The following MGST2 variants were observed in gnomAD, a reference collection of about 807,000 sequenced individuals.
The protein encoded by MGST2 is microsomal glutathione S-transferase 2.
A neutral mutation model predicts 16.6 loss-of-function variants in MGST2; 9 were observed. That is an observed-to-expected ratio of 0.54 (90% CI 0.33 to 0.95). The LOEUF (loss-of-function observed/expected upper bound fraction) is 0.95. Among genes scored for constraint, MGST2 ranks in the 40% least tolerant of loss-of-function variants. The pLI, the probability that MGST2 is intolerant of heterozygous loss-of-function variation, is 0.03. For synonymous variants in MGST2, 79 were observed against 68.0 expected (o/e 1.16, Z -0.79); for missense variants, 159 against 175.1 (o/e 0.91, Z 0.52).
chr4:139,690,001 AT>A (rs531793285), intron 2 of MGST2, among the ~76,000 whole-genome samples: 2 of 151,878 alleles, frequency 1.3e-5, no homozygotes, highest in South Asian at 4.2e-4. Flanking sequence ...ATTAAAAAAA[AT>A]TTTTTTTGAG....
rs905341796 is a variant in MGST2, at chr4:139,698,681, C to T, written c.229+3414C>T. The T allele has an allele frequency of 2.7e-5, 18 of 673,194 alleles. No homozygotes were observed. In the Admixed American group the frequency reaches 3.9e-4, roughly 14 times the overall value. The allele number at this position is 673,194 out of a possible 1,614,324, so 41.7% of individuals were successfully genotyped here. On this transcript the variant is annotated intron_variant, in intron 3 of 4. Coordinates refer to ENST00000265498, the MANE Select transcript of MGST2 (RefSeq NM_002413.5). ...CAATCCTGCTCCCACATAAAAGCTG[C>T]ATTTCAATATGAGATAAAAAGACAT...
At chr4:139,669,749 T>A (rs569883354) in intron 1 of MGST2, among the ~76,000 whole-genome samples, 1 of 152,356 alleles carries the variant, frequency 6.6e-6, no homozygotes, top group East Asian at 1.9e-4. Flanking sequence ...AGAAAGGCTG[T>A]GACAATTTAT....
the MGST2 span, among the ~76,000 whole-genome samples, chr4:139,750,914 T>C: frequency 6.6e-6 from 1 of 152,220 alleles, no homozygotes; most frequent in South Asian, 2.1e-4. Flanking sequence ...TAGGCCTCAG[T>C]TGAAAATAAG....
intron 5 of MGST2, among the ~76,000 whole-genome samples, chr4:139,728,058 T>C (rs1728549068): frequency 6.6e-6 from 1 of 151,958 alleles, no homozygotes. Flanking sequence ...TCTACTAAAA[T>C]ACAAAAATTA....
Position 139,727,918 on chromosome 4 carries a change from C to T in MGST2, c.*49-12294C>T, listed in dbSNP as rs1486458888. ...GATCTGGCAGTATTCACTCTCAAAA[C>T]GAAAAACTGAGAGCTGGCCGGGTGC... On this transcript the variant is annotated intron_variant, in intron 5 of 5. Transcript: ENST00000616265. Among the ~76,000 whole-genome samples, 5 of 151,516 alleles carry T rather than the reference C, an allele frequency of 3.3e-5. No individual in the cohort carries two copies. The East Asian group carries it at 5.8e-4, about 18-fold the overall frequency.
At chr4:139,674,262 C>T (rs1050639576) in intron 1 of MGST2, among the ~76,000 whole-genome samples, 5 of 152,208 alleles carry the variant, frequency 3.3e-5, no homozygotes, top group African/African-American at 7.2e-5. Flanking sequence ...TGGTTCAGTC[C>T]GGAAAGGCGA....
At chr4:139,719,612 G>A (rs763013687) in intron 5 of MGST2, 40 of 1,612,572 alleles carry the variant, frequency 2.5e-5, no homozygotes, top group East Asian at 1.6e-4. Context: ...CATTGGCCTC[G>A]CCTGGCTGGT....
intron 1 of MGST2, among the ~76,000 whole-genome samples, chr4:139,670,557 A>C (rs1165688479): frequency 6.6e-6 from 1 of 152,194 alleles, no homozygotes; most frequent in Non-Finnish European, 1.5e-5. Context: ...TCAGATTTGC[A>C]GTTGTTAAAG....
intron 3 of MGST2, chr4:139,698,481 G>A (rs1727055982): frequency 8.4e-7 from 1 of 1,190,916 alleles, no homozygotes; most frequent in Non-Finnish European, 1.3e-6. Context: ...CTTGCGAGCG[G>A]CTTTTGTAGC....
At chr4:139,729,228 G>GA (rs1728603425) in intron 5 of MGST2, among the ~76,000 whole-genome samples, 1 of 150,944 alleles carries the variant, frequency 6.6e-6, no homozygotes, top group African/African-American at 2.4e-5. Flanking sequence ...CTCTTTGGGG[G>GA]ATGCCTGGTG....
At chr4:139,684,289 T>C (rs1429833133) in intron 2 of MGST2, among the ~76,000 whole-genome samples, 1 of 152,150 alleles carries the variant, frequency 6.6e-6, no homozygotes, top group Non-Finnish European at 1.5e-5. Context: ...AAGACTTGCC[T>C]CCATGATTCA....
chr4:139,666,644 ATC>A (rs1160095115), intron 1 of MGST2, among the ~76,000 whole-genome samples: 1 of 152,218 alleles, frequency 6.6e-6, no homozygotes, highest in East Asian at 1.9e-4. Flanking sequence ...ATTATTCAAT[ATC>A]TCGACTGCCT....
At chr4:139,670,260 G>GA (rs1365020573) in intron 1 of MGST2, among the ~76,000 whole-genome samples, 3 of 130,760 alleles carry the variant, frequency 2.3e-5, no homozygotes, top group Admixed American at 8.1e-5. Context: ...GTGGGGGGCG[G>GA]GGGGGGGGCG....
chr4:139,748,223 G>A, the MGST2 span, among the ~76,000 whole-genome samples: 5 of 152,248 alleles, frequency 3.3e-5, no homozygotes, highest in Admixed American at 2.0e-4. Context: ...GCCTAAACAG[G>A]AAGATGGGAA....
At chr4:139,726,784 G>A (rs1005842723) in intron 5 of MGST2, among the ~76,000 whole-genome samples, 10 of 152,184 alleles carry the variant, frequency 6.6e-5, no homozygotes, top group Non-Finnish European at 1.3e-4. Context: ...TTCCACTCAC[G>A]GGGATGCTGC....
At chr4:139,691,691 GATGATGATTATT>G (rs982920739) in intron 2 of MGST2, among the ~76,000 whole-genome samples, 2 of 129,956 alleles carry the variant, frequency 1.5e-5, no homozygotes, top group African/African-American at 7.1e-5. Flanking sequence ...TGATGATGAT[GATGATGATTATT>G]ATTATTATTA....
At chr4:139,690,055 G>C (rs879586702) in intron 2 of MGST2, among the ~76,000 whole-genome samples, 1 of 152,078 alleles carries the variant, frequency 6.6e-6, no homozygotes, top group Non-Finnish European at 1.5e-5. Flanking sequence ...GCAGTGGTGC[G>C]ATCTTGGCTC....
intron 3 of MGST2, among the ~76,000 whole-genome samples, chr4:139,701,573 T>C (rs1207201715): frequency 6.6e-6 from 1 of 152,174 alleles, no homozygotes; most frequent in Admixed American, 6.5e-5. Context: ...TTTTTCTTTG[T>C]TGTCTGTCTT....
chr4:139,734,698 C>G (rs1728862692), intron 5 of MGST2, among the ~76,000 whole-genome samples: 1 of 152,272 alleles, frequency 6.6e-6, no homozygotes, highest in Non-Finnish European at 1.5e-5. Flanking sequence ...AAATATCTCC[C>G]AAGAACAGCC....
Sources: gnomAD v4.1 joint callset for allele counts (sites outside exome capture counted in the v4.1 genomes callset) on GRCh38, gnomAD v4.1.1 for gene constraint, MANE v1.5 for transcripts, NCBI Gene and HGNC (gene_info 2026-07-23, HGNC 2026-07-21) for gene names.